The following PCDHA2 variants were observed in gnomAD, a reference collection of about 807,000 sequenced individuals.
PCDHA2 encodes protocadherin alpha 2.
PCDHA2 carries 58 observed loss-of-function variants against 66.0 expected under a neutral mutation model. That is an observed-to-expected ratio of 0.88 (90% CI 0.71 to 1.09). PCDHA2 has a LOEUF of 1.09. Among genes scored for constraint, PCDHA2 ranks in the 50% least tolerant of loss-of-function variants. PCDHA2 has a pLI of 0.00. For synonymous variants in PCDHA2, 634 were observed against 554.0 expected (o/e 1.14, Z -2.03); for missense variants, 1,267 against 1,242.3 (o/e 1.02, Z -0.30).
chr5:140,808,809 G>T, intron 1 of PCDHA2: 6 of 1,612,748 alleles, frequency 3.7e-6, no homozygotes, highest in Non-Finnish European at 5.1e-6. Flanking sequence ...CGCGATGCCG[G>T]CGTGCCACCT....
At chr5:140,822,572 C>G (rs2150117357) in intron 1 of PCDHA2, 15 of 1,612,554 alleles carry the variant, frequency 9.3e-6, no homozygotes, top group Non-Finnish European at 1.3e-5. Context: ...CTGAACGCCT[C>G]AGATGCAGAT....
intron 1 of PCDHA2, among the ~76,000 whole-genome samples, chr5:140,827,408 A>G (rs1361434202): frequency 1.3e-5 from 2 of 152,254 alleles, no homozygotes; most frequent in Non-Finnish European, 2.9e-5. Context: ...GTGATAAAGA[A>G]TATGCTCTAG....
At chr5:140,823,590 G>A in intron 1 of PCDHA2, 6 of 1,614,004 alleles carry the variant, frequency 3.7e-6, no homozygotes, top group Non-Finnish European at 5.1e-6. Context: ...ACAACGCTTG[G>A]CTTTCGTATG....
intron 1 of PCDHA2, chr5:140,869,485 G>A: frequency 6.2e-7 from 1 of 1,614,158 alleles, no homozygotes; most frequent in Non-Finnish European, 8.5e-7. Context: ...GGACATTAAC[G>A]ACAACCCGCC....
At chr5:140,877,792 C>T (rs782259804) in intron 1 of PCDHA2, 1 of 1,614,004 alleles carries the variant, frequency 6.2e-7, no homozygotes, top group Non-Finnish European at 8.5e-7. Context: ...GGCCTTCAGC[C>T]CAAGCCTTCA....
chr5:140,822,265 A>C, intron 1 of PCDHA2: 1 of 1,614,272 alleles, frequency 6.2e-7, no homozygotes, highest in Non-Finnish European at 8.5e-7. Flanking sequence ...TATTGGAGCA[A>C]ATGCACAATT....
intron 1 of PCDHA2, chr5:140,858,165 C>T: frequency 6.3e-7 from 1 of 1,597,786 alleles, no homozygotes; most frequent in Non-Finnish European, 8.6e-7. Context: ...TGCGCGGTGT[C>T]CAGCTTGCTG....
intron 1 of PCDHA2, chr5:140,830,337 C>G: frequency 6.2e-7 from 1 of 1,614,048 alleles, no homozygotes; most frequent in Non-Finnish European, 8.5e-7. Flanking sequence ...GGGAGCTGGT[C>G]GTACTCGCAG....
intron 1 of PCDHA2, among the ~76,000 whole-genome samples, chr5:140,838,413 C>T (rs1304271115): frequency 6.6e-6 from 1 of 151,456 alleles, no homozygotes; most frequent in East Asian, 1.9e-4. Context: ...AGTGAGCCAC[C>T]GCATCCGGCC....
At chr5:140,891,402 C>T (rs2153434100) in intron 1 of PCDHA2, among the ~76,000 whole-genome samples, 1 of 151,650 alleles carries the variant, frequency 6.6e-6, no homozygotes, top group East Asian at 1.9e-4. Context: ...TATCCCTCGC[C>T]ACCCCCCACT....
chr5:140,896,750 A>G (rs781993760), intron 1 of PCDHA2, among the ~76,000 whole-genome samples: 3 of 152,114 alleles, frequency 2.0e-5, no homozygotes, highest in Non-Finnish European at 4.4e-5. Flanking sequence ...GATTCTGGAT[A>G]TTAGACCTTT....
Position 140,795,925 on chromosome 5 carries a change from A to C in PCDHA2, c.961A>C (p.Thr321Pro). 5 of 1,613,964 alleles carry C rather than the reference A, an allele frequency of 3.1e-6. No individual in the cohort carries two copies. The highest frequency in any genetic ancestry group is 4.2e-6 in the Non-Finnish European group (5 of 1,179,886). The change falls in exon 1 of 4, where the codon ACT (threonine) becomes CCT (proline). Residue 321 changes from threonine to proline, a missense_variant. Thr to Pro is a conservative substitution (Grantham distance 38). Transcript: ENST00000526136. ...EEAKSYEIQV[T>P]ATDKGTPSMS... ...AGCAAAGTCCTACGAGATTCAGGTC[A>C]CTGCAACTGACAAAGGAACCCCTTC... is the stretch of plus-strand genomic sequence containing the variant.
At chr5:140,992,862 G>A (rs2097531583) in intron 3 of PCDHA2, among the ~76,000 whole-genome samples, 2 of 152,084 alleles carry the variant, frequency 1.3e-5, no homozygotes, top group Non-Finnish European at 2.9e-5. Context: ...TTTCACTCTA[G>A]CTCCCTCCTT....
At chr5:140,905,622 T>G (rs962403940) in intron 1 of PCDHA2, among the ~76,000 whole-genome samples, 3 of 152,236 alleles carry the variant, frequency 2.0e-5, no homozygotes, top group Non-Finnish European at 4.4e-5. Context: ...AGATTGCTTT[T>G]GACAGTATGG....
chr5:140,869,786 T>C lies in PCDHA2; in HGVS notation c.2388+72434T>C, dbSNP rs1554163459. On this transcript the variant is annotated intron_variant, in intron 1 of 3. Transcript: ENST00000526136. ...CCAGAGCTTACTGGCACCGTTCGGC[T>C]GTTAGTCCAAGTCTTGGATGTCAAC... 1.9e-6 allele frequency: 3 copies of C among 1,612,992 alleles called. No homozygotes were observed. The East Asian group carries it at 6.7e-5, about 36-fold the overall frequency.
At position 140,841,809 on chromosome 5, in the gene PCDHA2, G is replaced by A. The variant is rs2150323100; in HGVS notation, c.2388+44457G>A. The A allele has an allele frequency of 7.4e-6, 12 of 1,613,786 alleles. 1 individual carries two copies. In the African/African-American group the frequency reaches 1.3e-4, roughly 18 times the overall value. On this transcript the variant is annotated intron_variant, in intron 1 of 3. Coordinates refer to ENST00000526136, the MANE Select transcript of PCDHA2 (RefSeq NM_018905.3). ...GAGGGCGCGTCCGATGCAGATGTTG[G>A]AGCTAACTCCGTGTTAACCTACAGG...
intron 1 of PCDHA2, among the ~76,000 whole-genome samples, chr5:140,904,695 G>A (rs1276696069): frequency 2.0e-5 from 3 of 152,024 alleles, no homozygotes; most frequent in Admixed American, 2.0e-4. Flanking sequence ...GTGTAAAATT[G>A]TTCCCTTTTC....
Position 140,835,536 on chromosome 5 carries a change from G to C in PCDHA2, c.2388+38184G>C, listed in dbSNP as rs1220164308. 1.9e-6 allele frequency: 3 copies of C among 1,613,822 alleles called. 1 individual carries two copies. Among genetic ancestry groups the C allele is most frequent in the East Asian group, 4.5e-5 (2 of 44,840 alleles). ...CCGAGATTTTGGAGTCAACGGACAG[G>C]TTACCTGCTCCCTGACGCCCCGCGT... On this transcript the variant is annotated intron_variant, in intron 1 of 3. Coordinates refer to ENST00000526136, the MANE Select transcript of PCDHA2 (RefSeq NM_018905.3).
chr5:140,909,769 C>T (rs1213208977), intron 1 of PCDHA2, among the ~76,000 whole-genome samples: 2 of 152,104 alleles, frequency 1.3e-5, no homozygotes, highest in Non-Finnish European at 2.9e-5. Flanking sequence ...AGTCCAGGGA[C>T]CCACTGGACC....
Sources: gnomAD v4.1 joint callset for allele counts (sites outside exome capture counted in the v4.1 genomes callset) on GRCh38, gnomAD v4.1.1 for gene constraint, MANE v1.5 for transcripts, NCBI Gene and HGNC (gene_info 2026-07-23, HGNC 2026-07-21) for gene names.